CLIP1: variants seen among roughly 807,000 people sequenced by gnomAD.
The protein encoded by CLIP1 is CAP-Gly domain-containing linker protein 1.
A neutral mutation model predicts 161.6 loss-of-function variants in CLIP1; 66 were observed. That is an observed-to-expected ratio of 0.41 (90% CI 0.33 to 0.50). The LOEUF is 0.50. CLIP1 is among the 20% of genes least tolerant of loss of function. The pLI is 0.27. For synonymous variants in CLIP1, 598 were observed against 626.2 expected (o/e 0.96, Z 0.67); for missense variants, 1,376 against 1,702.0 (o/e 0.81, Z 3.37).
At chr12:122,380,699 G>C in intron 1 of CLIP1, 141 bp from the exon 2 acceptor site, 1 of 307,900 alleles carries the variant, frequency 3.2e-6, no homozygotes, top group Non-Finnish European at 6.0e-6. Flanking sequence ...GAAGACTCTG[G>C]TTATTAAACA....
intron 20 of CLIP1, among the ~76,000 whole-genome samples, chr12:122,292,946 T>C (rs994260327): frequency 1.5e-5 from 2 of 129,582 alleles, no homozygotes; most frequent in African/African-American, 6.2e-5. Flanking sequence ...GAGCTTGCAG[T>C]GGGCCGAGAT....
chr12:122,374,518 CT>C (rs1217465285), intron 3 of CLIP1, among the ~76,000 whole-genome samples: 1 of 151,312 alleles, frequency 6.6e-6, no homozygotes, highest in Non-Finnish European at 1.5e-5. Context: ...AATCCCAGCA[CT>C]TTGGGAGGCC....
intron 21 of CLIP1, among the ~76,000 whole-genome samples, chr12:122,287,866 A>G (rs1342427783): frequency 6.6e-6 from 1 of 152,216 alleles, no homozygotes; most frequent in Non-Finnish European, 1.5e-5. Flanking sequence ...ATCCAGATCA[A>G]TAACTGTATG....
chr12:122,371,781 C>T (rs1413670104), intron 3 of CLIP1, among the ~76,000 whole-genome samples: 1 of 152,040 alleles, frequency 6.6e-6, no homozygotes, highest in East Asian at 1.9e-4. Flanking sequence ...ACTGGGGAAC[C>T]CTCTCAAAAC....
intron 1 of CLIP1, among the ~76,000 whole-genome samples, chr12:122,403,685 A>AT (rs1048261230): frequency 2.0e-5 from 3 of 150,270 alleles, no homozygotes; most frequent in Admixed American, 1.3e-4. Context: ...CACCCAGCTA[A>AT]TTTTTTTTTA....
intron 1 of CLIP1, among the ~76,000 whole-genome samples, chr12:122,396,928 G>C (rs1336566324): frequency 7.4e-6 from 1 of 134,566 alleles, no homozygotes; most frequent in South Asian, 2.4e-4. Context: ...CACCACACCC[G>C]GCAAATTTTT....
chr12:122,340,917 T>A lies in CLIP1; in HGVS notation c.2287A>T (p.Thr763Ser), dbSNP rs1428374415. ...TCTTCAGTAGCCTTGAGCTGTGATG[T>A]AAAATTATCAATAACCTTGGTTTGT... The part of the protein sequence containing the change: ...NEQTKVIDNF[T>S]SQLKATEEKL... The change falls in exon 11 of 26, where the codon ACA becomes TCA. Residue 763 changes from threonine (T) to serine (S), a missense_variant. Coordinates refer to ENST00000620786, the MANE Select transcript of CLIP1 (RefSeq NM_001247997.2). The A allele has an allele frequency of 6.2e-7, 1 of 1,614,106 alleles. No individual in the cohort carries two copies. The highest frequency in any genetic ancestry group is 8.5e-7 in the Non-Finnish European group (1 of 1,180,034).
intron 6 of CLIP1, 171 bp from the exon 7 acceptor site, chr12:122,354,727 G>A (rs1317705703): frequency 5.0e-6 from 3 of 595,140 alleles, no homozygotes; most frequent in Non-Finnish European, 9.1e-6. Flanking sequence ...TTTCCTGGAA[G>A]ATAGATGATG....
intron 1 of CLIP1, among the ~76,000 whole-genome samples, chr12:122,420,436 G>A (rs746966814): frequency 6.6e-6 from 1 of 152,142 alleles, no homozygotes; most frequent in Non-Finnish European, 1.5e-5. Flanking sequence ...AGTGCAAGCT[G>A]GAGCTGAAGC....
rs985910574 is a variant in CLIP1, at chr12:122,271,877, T to C, written c.*998A>G. The C allele has an allele frequency of 6.5e-6, 1 of 152,736 alleles. No individual in the cohort carries two copies. Among genetic ancestry groups the C allele is most frequent in the East Asian group, 1.9e-4 (1 of 5,186 alleles). 9.5% of individuals were successfully genotyped at this position (152,736 alleles called of 1,614,324 possible). ...GTGAAGGGAGATTGTAGATTGGTTA[T>C]TTAGGTGTTTTATACTGGCTTATTG... On this transcript the variant is annotated 3_prime_UTR_variant, in exon 26 of 26. Coordinates refer to ENST00000620786, the MANE Select transcript of CLIP1 (RefSeq NM_001247997.2).
intron 1 of CLIP1, among the ~76,000 whole-genome samples, chr12:122,390,318 AT>A (rs1197287688): frequency 1.7e-4 from 23 of 136,506 alleles, no homozygotes; most frequent in Non-Finnish European, 3.4e-4. Context: ...ATATATATAT[AT>A]TATTTTTTTT....
chr12:122,308,284 C>G (rs1950947529), intron 20 of CLIP1, among the ~76,000 whole-genome samples: 1 of 152,236 alleles, frequency 6.6e-6, no homozygotes, highest in Admixed American at 6.5e-5. Flanking sequence ...GGAACCCACT[C>G]TCTCTACCAG....
intron 4 of CLIP1, among the ~76,000 whole-genome samples, chr12:122,363,742 A>G (rs1486654700): frequency 6.6e-6 from 1 of 152,098 alleles, no homozygotes; most frequent in Non-Finnish European, 1.5e-5. Context: ...TATTTTGAAA[A>G]ATAAACAGAA....
chr12:122,352,862 C>CA (rs1171946270), intron 7 of CLIP1, 76 bp from the exon 8 acceptor site: 4 of 1,285,736 alleles, frequency 3.1e-6, no homozygotes, highest in Non-Finnish European at 4.5e-6. Context: ...AACAAACAAA[C>CA]AAAAAAACAC....
intron 3 of CLIP1, among the ~76,000 whole-genome samples, chr12:122,376,338 C>A (rs1954730995): frequency 6.6e-6 from 1 of 152,192 alleles, no homozygotes; most frequent in African/African-American, 2.4e-5. Context: ...CAGGCGTAAG[C>A]CACCGTACCT....
At position 122,341,084 on chromosome 12, in the gene CLIP1, T is replaced by C. The variant is rs761646375; in HGVS notation, c.2120A>G (p.Glu707Gly). ...AKLMKVIKEK[E>G]NSLEAIRSKL... is the part of the protein sequence containing the mutation. Reference sequence around the variant, plus strand: ...CGACCTGATGGCTTCCAGACTGTTTTCCTTTTCTTTAATAACTTTCATCAG... The same window carrying C: ...CGACCTGATGGCTTCCAGACTGTTTCCCTTTTCTTTAATAACTTTCATCAG... Residue 707 changes from glutamate (E) to glycine (G), a missense_variant, in exon 11 of 26, where the codon GAA becomes GGA. By Grantham distance (98) the Glu-to-Gly change is moderately conservative (BLOSUM62 -2). Around this residue, in one of 6 missense-constraint regions of CLIP1, gnomAD observed 948 missense variants for 1,134.8 expected, o/e 0.84. Transcript: ENST00000620786. 6.2e-7 allele frequency: 1 copy of C among 1,613,882 alleles called. No individual in the cohort carries two copies. Among genetic ancestry groups the C allele is most frequent in the Non-Finnish European group, 8.5e-7 (1 of 1,179,974 alleles).
chr12:122,377,245 T>TG (rs1954783781), intron 3 of CLIP1, 144 bp downstream of exon 3: 1 of 683,032 alleles, frequency 1.5e-6, no homozygotes, highest in African/African-American at 1.8e-5. Context: ...CCTGACCTCG[T>TG]GATCCACCCG....
intron 5 of CLIP1, among the ~76,000 whole-genome samples, chr12:122,356,716 T>C (rs1261956070): frequency 1.3e-5 from 2 of 152,192 alleles, no homozygotes; most frequent in African/African-American, 4.8e-5. Flanking sequence ...TGCTGCCATC[T>C]CGGCTCACTG....
rs556667721 is a variant in CLIP1, at chr12:122,416,218, T to C, written c.-107+6303A>G. 2.8e-4 allele frequency among the ~76,000 whole-genome samples: 43 copies of C among 151,628 alleles called. 1 individual carries two copies. Among genetic ancestry groups the C allele is most frequent in the African/African-American group, 9.4e-4 (39 of 41,368 alleles). The stretch of plus-strand genomic sequence containing the variant: ...CGCCACTGCTCTCCAGCCTGGGTGA[T>C]AGAAAAAAAAAGTCCTGAACAGTCC... On this transcript the variant is annotated intron_variant, in intron 1 of 25. Coordinates refer to ENST00000620786, the MANE Select transcript of CLIP1 (RefSeq NM_001247997.2).
Sources: gnomAD v4.1 joint callset for allele counts (sites outside exome capture counted in the v4.1 genomes callset) on GRCh38, gnomAD v4.1.1 for gene constraint, gnomAD v4.1.1 regional missense constraint, MANE v1.5 for transcripts, NCBI Gene and HGNC (gene_info 2026-07-23, HGNC 2026-07-21) for gene names.